TAFA5: variants seen among roughly 807,000 people sequenced by gnomAD.
The protein encoded by TAFA5 is TAFA chemokine like family member 5.
Under a neutral mutation model 15.3 loss-of-function variants are expected in TAFA5, and 6 were observed. That is an observed-to-expected ratio of 0.39 (90% confidence interval 0.21 to 0.77). The LOEUF is 0.77. Ranked by LOEUF, TAFA5 falls within the 30% of genes least tolerant of loss-of-function variation. TAFA5 has a pLI of 0.41. For missense variants in TAFA5, 161 were observed against 193.1 expected (o/e 0.83, Z 0.98); for synonymous variants, 103 against 80.7 (o/e 1.28, Z -1.48).
chr22:48,579,547 A>G (rs1923954528), intron 1 of TAFA5, among the ~76,000 whole-genome samples: 1 of 152,198 alleles, frequency 6.6e-6, no homozygotes. Flanking sequence ...TGTCACGGAG[A>G]CGCGAGAGGG....
chr22:48,667,636 A>G (rs951492806), intron 2 of TAFA5, among the ~76,000 whole-genome samples: 2 of 152,040 alleles, frequency 1.3e-5, no homozygotes, highest in African/African-American at 2.4e-5. Flanking sequence ...TGGTTAATTC[A>G]ATTTCTCTTA....
intron 1 of TAFA5, among the ~76,000 whole-genome samples, chr22:48,557,762 C>T (rs1438988893): frequency 2.0e-5 from 3 of 152,172 alleles, no homozygotes; most frequent in African/African-American, 7.2e-5. Context: ...CCTTAGCAGG[C>T]GGTGATGGGC....
At chr22:48,717,762 T>C (rs1195606514) in intron 3 of TAFA5, among the ~76,000 whole-genome samples, 4 of 152,176 alleles carry the variant, frequency 2.6e-5, no homozygotes, top group African/African-American at 9.6e-5. Flanking sequence ...GGGGTGATCA[T>C]CATTGGGCAC....
chr22:48,544,737 G>A lies in TAFA5; in HGVS notation c.112+55033G>A, dbSNP rs552947760. On this transcript the variant is annotated intron_variant, in intron 1 of 3. Transcript: ENST00000402357. ...GCATGTTGGTCTCAGTCCCCACTCC[G>A]GGCTGCGGGGAGGCTGACTTGGAGA... is the stretch of plus-strand genomic sequence containing the variant. 45 of 471,270 alleles carry A rather than the reference G, an allele frequency of 9.5e-5. 1 individual carries two copies. The highest frequency in any genetic ancestry group is 3.2e-4 in the Middle Eastern group (1 of 3,078). The allele number at this position is 471,270 out of a possible 1,614,324, so 29.2% of individuals were successfully genotyped here.
intron 1 of TAFA5, among the ~76,000 whole-genome samples, chr22:48,588,387 T>G (rs2147154478): frequency 6.6e-6 from 1 of 152,240 alleles, no homozygotes; most frequent in Admixed American, 6.5e-5. Flanking sequence ...CTCTCCCGAC[T>G]TTGCTCCCTG....
intron 1 of TAFA5, among the ~76,000 whole-genome samples, chr22:48,515,887 G>T (rs1467354167): frequency 2.0e-5 from 3 of 152,028 alleles, no homozygotes; most frequent in African/African-American, 7.3e-5. Flanking sequence ...CTCCCCCAGG[G>T]GTCTCCATCA....
At chr22:48,577,461 C>T (rs958424872) in intron 1 of TAFA5, among the ~76,000 whole-genome samples, 3 of 152,178 alleles carry the variant, frequency 2.0e-5, no homozygotes, top group African/African-American at 7.2e-5. Flanking sequence ...CACCCCTGCT[C>T]ATGGTTACTA....
intron 3 of TAFA5, among the ~76,000 whole-genome samples, chr22:48,739,911 C>T (rs1930132221): frequency 6.6e-6 from 1 of 152,150 alleles, no homozygotes; most frequent in African/African-American, 2.4e-5. Context: ...GCAATCTGGC[C>T]GTCAGGACGT....
intron 1 of TAFA5, among the ~76,000 whole-genome samples, chr22:48,605,347 G>C (rs200786205): frequency 1.6e-4 from 4 of 25,022 alleles, no homozygotes; most frequent in Admixed American, 9.5e-4. Context: ...TGGTGATGGC[G>C]ATGGTGATGA....
chr22:48,601,884 G>A (rs763565670), intron 1 of TAFA5, among the ~76,000 whole-genome samples: 24 of 152,268 alleles, frequency 1.6e-4, no homozygotes, highest in Non-Finnish European at 2.9e-4. Flanking sequence ...GAGTGGCCTC[G>A]TTCCTCCACA....
At chr22:48,559,774 G>A (rs1648783279) in intron 1 of TAFA5, among the ~76,000 whole-genome samples, 1 of 152,154 alleles carries the variant, frequency 6.6e-6, no homozygotes. Context: ...CTGCCTTTGG[G>A]GAGCAGAGGG....
intron 1 of TAFA5, among the ~76,000 whole-genome samples, chr22:48,497,177 C>A (rs1928357983): frequency 6.6e-6 from 1 of 152,230 alleles, no homozygotes; most frequent in South Asian, 2.1e-4. Context: ...ACCATGGCCC[C>A]GTTCCGCCCC....
At chr22:48,548,655 C>G (rs1221701675) in intron 1 of TAFA5, among the ~76,000 whole-genome samples, 1 of 152,238 alleles carries the variant, frequency 6.6e-6, no homozygotes, top group Non-Finnish European at 1.5e-5. Context: ...TTCACAGGGG[C>G]AGGCCCAGCC....
At chr22:48,633,773 A>G (rs7287640) in intron 1 of TAFA5, among the ~76,000 whole-genome samples, 1 of 152,190 alleles carries the variant, frequency 6.6e-6, no homozygotes, top group Non-Finnish European at 1.5e-5. Context: ...ATATTAAGTC[A>G]TCTTTAGTTA....
intron 1 of TAFA5, among the ~76,000 whole-genome samples, chr22:48,621,893 C>G (rs1925850595): frequency 2.0e-5 from 3 of 152,140 alleles, no homozygotes; most frequent in African/African-American, 7.2e-5. Context: ...GCCTCTGAGC[C>G]TGGCACGGTT....
At chr22:48,646,388 T>A (rs9617406) in intron 1 of TAFA5, among the ~76,000 whole-genome samples, 1 of 152,008 alleles carries the variant, frequency 6.6e-6, no homozygotes, top group Middle Eastern at 3.2e-3. Flanking sequence ...CAGGGTGGAG[T>A]TCGCCGACTT....
intron 1 of TAFA5, among the ~76,000 whole-genome samples, chr22:48,568,078 A>G (rs570907309): frequency 3.7e-4 from 57 of 152,324 alleles, no homozygotes; most frequent in African/African-American, 1.3e-3. Flanking sequence ...AGGTCACAAA[A>G]TAAATGCGAG....
At chr22:48,569,155 T>G (rs1172399275) in intron 1 of TAFA5, among the ~76,000 whole-genome samples, 2 of 152,144 alleles carry the variant, frequency 1.3e-5, no homozygotes, top group African/African-American at 4.8e-5. Context: ...TGGGGACAGC[T>G]GCCTGGGGTG....
intron 1 of TAFA5, among the ~76,000 whole-genome samples, chr22:48,528,225 C>G (rs1423972164): frequency 6.6e-6 from 1 of 152,190 alleles, no homozygotes; most frequent in Non-Finnish European, 1.5e-5. Flanking sequence ...TGGTACCTGA[C>G]AAGCTTCGAG....
Sources: allele counts gnomAD v4.1 joint callset (sites outside exome capture counted in the v4.1 genomes callset), GRCh38; gene constraint gnomAD v4.1.1; transcripts MANE v1.5; gene names NCBI Gene and HGNC (gene_info 2026-07-23, HGNC 2026-07-21).